The following NRXN3 variants were observed in gnomAD, a reference collection of about 807,000 sequenced individuals.
The protein encoded by NRXN3 is neurexin III.
Under a neutral mutation model 137.6 loss-of-function variants are expected in NRXN3, and 32 were observed. The ratio of observed to expected loss-of-function variants is 0.23; its 90% CI spans 0.18 to 0.31. The LOEUF (loss-of-function observed/expected upper bound fraction) is 0.31. NRXN3 is among the 10% of genes least tolerant of loss of function. The pLI is 1.00. For missense variants in NRXN3, 1,574 were observed against 2,062.5 expected (o/e 0.76, Z 4.59); for synonymous variants, 798 against 784.5 (o/e 1.02, Z -0.29).
At chr14:78,572,956 G>T (rs553644539) in intron 4 of NRXN3, among the ~76,000 whole-genome samples, 1 of 152,296 alleles carries the variant, frequency 6.6e-6, no homozygotes, top group South Asian at 2.1e-4. Flanking sequence ...TAATCCCCAT[G>T]TATCAAGGGT....
chr14:79,331,053 A>T (rs746292548), intron 15 of NRXN3, among the ~76,000 whole-genome samples: 1 of 152,182 alleles, frequency 6.6e-6, no homozygotes, highest in Non-Finnish European at 1.5e-5. Context: ...TAGCTGGCTG[A>T]TTGACTGTTT....
chr14:78,274,190 T>C (rs1481809694), intron 2 of NRXN3, among the ~76,000 whole-genome samples: 1 of 152,152 alleles, frequency 6.6e-6, no homozygotes, highest in Non-Finnish European at 1.5e-5. Flanking sequence ...CTCCCAATGG[T>C]TATGTATTAG....
intron 15 of NRXN3, among the ~76,000 whole-genome samples, chr14:79,360,983 A>C (rs1474255753): frequency 6.6e-6 from 1 of 152,128 alleles, no homozygotes; most frequent in Non-Finnish European, 1.5e-5. Flanking sequence ...TATCATGCAA[A>C]CTCTAGTCCT....
intron 1 of NRXN3, among the ~76,000 whole-genome samples, chr14:78,171,198 G>A (rs1217087009): frequency 4.1e-5 from 6 of 147,682 alleles, no homozygotes; most frequent in Admixed American, 2.0e-4. Flanking sequence ...AGGAATTGAC[G>A]TGTATGTGAG....
At chr14:78,871,533 G>A (rs1363821711) in intron 10 of NRXN3, among the ~76,000 whole-genome samples, 1 of 152,056 alleles carries the variant, frequency 6.6e-6, no homozygotes, top group African/African-American at 2.4e-5. Context: ...TTTGCCTGAG[G>A]TGCTACACTG....
At chr14:79,063,755 C>A (rs1210684544) in intron 15 of NRXN3, among the ~76,000 whole-genome samples, 1 of 152,070 alleles carries the variant, frequency 6.6e-6, no homozygotes, top group East Asian at 1.9e-4. Flanking sequence ...CAGGGATTGG[C>A]AACCTCTTTA....
At chr14:79,732,669 C>T (rs2098928266) in intron 19 of NRXN3, among the ~76,000 whole-genome samples, 1 of 152,170 alleles carries the variant, frequency 6.6e-6, no homozygotes, top group Non-Finnish European at 1.5e-5. Flanking sequence ...CATGTCTATG[C>T]ACTTTTGAGC....
intron 4 of NRXN3, among the ~76,000 whole-genome samples, chr14:78,440,596 G>T (rs1156372134): frequency 1.3e-5 from 2 of 152,158 alleles, no homozygotes; most frequent in African/African-American, 4.8e-5. Flanking sequence ...GGGAAGGCCA[G>T]AGTCAGTGTT....
At chr14:79,564,575 C>T (rs1298923085) in intron 16 of NRXN3, among the ~76,000 whole-genome samples, 5 of 152,064 alleles carry the variant, frequency 3.3e-5, no homozygotes, top group East Asian at 1.9e-4. Context: ...GATGGTTAAG[C>T]GGCTTGTACT....
intron 1 of NRXN3, among the ~76,000 whole-genome samples, chr14:78,234,787 G>T (rs1228243833): frequency 6.7e-6 from 1 of 149,390 alleles, no homozygotes; most frequent in African/African-American, 2.5e-5. Context: ...GAACATGGGT[G>T]CTCCATGGTT....
At position 78,485,635 on chromosome 14, in the gene NRXN3, G is replaced by C. The variant is rs138754364; in HGVS notation, c.758-159485G>C. On this transcript the variant is annotated intron_variant, in intron 4 of 20. Coordinates refer to ENST00000335750, the MANE Select transcript of NRXN3 (RefSeq NM_001330195.2). ...TAATCCCTATGAAATTTTCACTGAA[G>C]ACAAGTTTGAGAGATTCAGAGAGCC... Among the ~76,000 whole-genome samples the C allele has an allele frequency of 2.6e-5, 4 of 152,292 alleles. No homozygotes were observed. In the East Asian group the frequency reaches 7.7e-4, roughly 29 times the overall value.
rs148725442 is a variant in NRXN3 at position 78,819,765 on chromosome 14, T to C, written c.2275+9421T>C. 8.7e-4 allele frequency among the ~76,000 whole-genome samples: 132 copies of C among 152,264 alleles called. 3 individuals are homozygous for C. In the East Asian group the frequency reaches 0.021, roughly 25 times the overall value. On this transcript the variant is annotated intron_variant, in intron 10 of 20. Coordinates refer to ENST00000335750, the MANE Select transcript of NRXN3 (RefSeq NM_001330195.2). ...AGCAAAAGTTAATTTGAGCTACAGC[T>C]CATAAATACCTATATTCAGAGAAAA...
intron 15 of NRXN3, among the ~76,000 whole-genome samples, chr14:79,185,525 G>T (rs1410351186): frequency 6.6e-6 from 1 of 150,734 alleles, no homozygotes; most frequent in Non-Finnish European, 1.5e-5. Flanking sequence ...GAGTGCAGTG[G>T]CACAATCTTG....
intron 4 of NRXN3, among the ~76,000 whole-genome samples, chr14:78,460,594 T>C (rs1237848030): frequency 1.3e-5 from 2 of 152,156 alleles, no homozygotes; most frequent in Non-Finnish European, 2.9e-5. Context: ...AGACCAAATA[T>C]GTTTTTCACA....
chr14:79,209,874 G>C (rs942039927), intron 15 of NRXN3, among the ~76,000 whole-genome samples: 1 of 152,134 alleles, frequency 6.6e-6, no homozygotes, highest in Non-Finnish European at 1.5e-5. Context: ...GTACAACACT[G>C]TTAAGAGACA....
At chr14:79,817,717 T>G (rs1412419230) in intron 20 of NRXN3, among the ~76,000 whole-genome samples, 2 of 152,140 alleles carry the variant, frequency 1.3e-5, no homozygotes, top group African/African-American at 4.8e-5. Flanking sequence ...TCCTGTCTCT[T>G]ACGTAGCGCT....
chr14:78,449,131 G>T (rs1346861684), intron 4 of NRXN3, among the ~76,000 whole-genome samples: 2 of 152,152 alleles, frequency 1.3e-5, no homozygotes, highest in South Asian at 4.1e-4. Flanking sequence ...TTTCTTGTCT[G>T]AACTTCAGGA....
intron 4 of NRXN3, among the ~76,000 whole-genome samples, chr14:78,613,394 G>A (rs890573827): frequency 6.6e-6 from 1 of 152,084 alleles, no homozygotes. Flanking sequence ...TAAGAAGACT[G>A]TTCAGAAATT....
At chr14:79,475,203 A>G (rs910427653) in intron 16 of NRXN3, among the ~76,000 whole-genome samples, 1 of 152,178 alleles carries the variant, frequency 6.6e-6, no homozygotes, top group South Asian at 2.1e-4. Flanking sequence ...AAAGTGAATT[A>G]TAAATTTACT....
Sources: gnomAD v4.1 joint callset for allele counts (sites outside exome capture counted in the v4.1 genomes callset) on GRCh38, gnomAD v4.1.1 for gene constraint, MANE v1.5 for transcripts, NCBI Gene and HGNC (gene_info 2026-07-23, HGNC 2026-07-21) for gene names.